Variants in CSF3 observed in about 807,000 individuals in gnomAD.
The protein encoded by CSF3 is colony stimulating factor 3, also known as granulocyte colony-stimulating factor.
In CSF3, 17 loss-of-function variants were observed where a neutral mutation model predicts 20.2. The observed-to-expected ratio is 0.84, with a 90% CI of 0.58 to 1.26. The LOEUF is 1.26. CSF3 is among the 50% of genes most tolerant of loss of function. The pLI is 0.00. For synonymous variants in CSF3, 125 were observed against 115.3 expected, an observed-to-expected ratio of 1.08 and a Z score of -0.54; for missense variants, 210 against 256.0, an observed-to-expected ratio of 0.82 and a Z score of 1.23.
At chr17:40,015,950 T>C (rs1981356011) in intron 2 of CSF3, 105 bp downstream of exon 2, 5 of 1,434,650 alleles carry the variant, frequency 3.5e-6, no homozygotes, top group Non-Finnish European at 9.3e-7. Context: ...TGGGAGAATA[T>C]TAGGAGCAGT....
In CSF3 at chr17:40,017,124, T is replaced by C; in HGVS notation, c.*165T>C. 1 of 620,930 alleles carries C rather than the reference T, an allele frequency of 1.6e-6. No homozygotes were observed. The allele number at this position is 620,930 out of a possible 1,614,324, so 38.5% of individuals were successfully genotyped here. On this transcript the variant is annotated 3_prime_UTR_variant, in exon 5 of 5. Transcript: ENST00000394149. The stretch of plus-strand genomic sequence containing the variant: ...GCCTGTAGCAGTGAGAAAAAGCTCC[T>C]GTCCTCCCATCCCCTGGACTGGGAG...
intron 4 of CSF3, 25 bp from the exon 5 acceptor site, chr17:40,016,770 C>T (rs1420692842): frequency 1.2e-5 from 20 of 1,612,820 alleles, no homozygotes; most frequent in Non-Finnish European, 1.7e-5. Flanking sequence ...AGGGCCCAAC[C>T]ACTGATCACA....
At chr17:40,016,459 C>G (rs762199800) in intron 3 of CSF3, 26 bp from the exon 4 acceptor site, 10 of 1,613,708 alleles carry the variant, frequency 6.2e-6, no homozygotes, top group Admixed American at 1.7e-5. Flanking sequence ...GGCAGCACCC[C>G]CTAACTCTTC....
chr17:40,016,014 G>A (rs2144835493), intron 2 of CSF3, 169 bp downstream of exon 2: 1 of 1,077,462 alleles, frequency 9.3e-7, no homozygotes, highest in Non-Finnish European at 1.3e-6. Flanking sequence ...GGTGGGGACA[G>A]TGCTCGGGAG....
In CSF3 at chr17:40,015,695, G is replaced by A; in HGVS notation, c.45G>A (p.Leu15=). The change falls in exon 2 of 5, where the codon CTG becomes CTA. Residue 15 remains leucine, a synonymous_variant. Transcript: ENST00000394149. ...CTGAGCCCGCTCTGTCCCCAGCCCTGCAGCTGCTGCTGTGGCACAGTGCAC... is the reference window on the plus strand; with the variant it reads ...CTGAGCCCGCTCTGTCCCCAGCCCTACAGCTGCTGCTGTGGCACAGTGCAC... The part of the protein sequence containing the change: ...ATQSPMKLMA[L]QLLLWHSALW... The A allele has an allele frequency of 6.3e-7, 1 of 1,581,820 alleles. No homozygotes were observed. Among genetic ancestry groups the A allele is most frequent in the Non-Finnish European group, 8.6e-7 (1 of 1,161,136 alleles).
rs1282134634 is a variant in CSF3, at chr17:40,017,602, G to A, written c.*643G>A. On this transcript the variant is annotated 3_prime_UTR_variant, in exon 5 of 5. Transcript: ENST00000394149. ...CTGCCCCCACGAGGGTCAGGACTGT[G>A]ACTCTTTTTAGGGCCAGGCAGGTGC... 3.9e-5 allele frequency: 6 copies of A among 152,418 alleles called. No homozygotes were observed. The highest frequency in any genetic ancestry group is 1.4e-4 in the African/African-American group (6 of 41,452). 9.4% of individuals were successfully genotyped at this position (152,418 alleles called of 1,614,324 possible).
rs371935125 is a variant in CSF3 at position 40,015,677 on chromosome 17, C to G, written c.41-14C>G. On this transcript the variant is annotated splice_polypyrimidine_tract_variant and intron_variant, in intron 1 of 4. Transcript: ENST00000394149. ...TAGGGAACAGCATGTCTCCTGAGCC[C>G]GCTCTGTCCCCAGCCCTGCAGCTGC... The G allele has an allele frequency of 4.1e-5, 65 of 1,571,360 alleles. No homozygotes were observed. The highest frequency in any genetic ancestry group is 5.6e-5 in the Non-Finnish European group (65 of 1,155,674).
chr17:40,015,521 G>A lies in CSF3; in HGVS notation c.40+7G>A. ...AGCCCCATGAAGCTGATGGGTGAGTGTCTTGGCCCAGGATGGGAGAGCCGC... is the reference window on the plus strand; with the variant it reads ...AGCCCCATGAAGCTGATGGGTGAGTATCTTGGCCCAGGATGGGAGAGCCGC... On this transcript the variant is annotated splice_region_variant and intron_variant, in intron 1 of 4. Coordinates refer to ENST00000394149, the MANE Select transcript of CSF3 (RefSeq NM_172219.3). The A allele has an allele frequency of 6.4e-7, 1 of 1,551,208 alleles. No homozygotes were observed. The highest frequency in any genetic ancestry group is 1.2e-5 in the South Asian group (1 of 84,040).
rs770569372 is a variant in CSF3, at chr17:40,015,828, G to A, written c.178G>A (p.Ala60Thr). The A allele has an allele frequency of 6.2e-7, 1 of 1,609,494 alleles. No individual in the cohort carries two copies. Among genetic ancestry groups the A allele is most frequent in the Non-Finnish European group, 8.5e-7 (1 of 1,176,918 alleles). The change falls in exon 2 of 5, where the codon GCG (alanine) becomes ACG (threonine). Residue 60 changes from alanine (A) to threonine (T), a missense_variant. Transcript: ENST00000394149. ...GAGGAAGATCCAGGGCGATGGCGCA[G>A]CGCTCCAGGAGAAGCTGGTGAGTGA... ...QVRKIQGDGA[A>T]LQEKLCATYK...
intron 4 of CSF3, 68 bp downstream of exon 4, chr17:40,016,699 A>G (rs763576148): frequency 3.4e-5 from 55 of 1,596,506 alleles, no homozygotes; most frequent in Non-Finnish European, 4.6e-5. Context: ...AGGCCTGTGT[A>G]TGGGCCCTGT....
At chr17:40,015,668 T>TCCTGAGCCCGCTCTGTCC in intron 1 of CSF3, 23 bp from the exon 2 acceptor site, 2 of 1,567,086 alleles carry the variant, frequency 1.3e-6, no homozygotes, top group Non-Finnish European at 1.7e-6. Context: ...ACAGCATGTC[T>TCCTGAGCCCGCTCTGTCC]CCTGAGCCCG....
In CSF3 at chr17:40,016,326, C is replaced by T; in HGVS notation, c.289C>T (p.Gln97Ter). 1 of 1,612,458 alleles carries T rather than the reference C, an allele frequency of 6.2e-7. No individual in the cohort carries two copies. The change falls in exon 3 of 5, where the codon CAG becomes TAG. Residue 97 changes from glutamine to a stop codon, truncating the protein, a stop_gained. Transcript: ENST00000394149. LOFTEE classifies it high-confidence loss of function. ...PWAPLSSCPS[Q>*]ALQLAGCLSQ... is the part of the protein sequence containing the mutation. ...GGCTCCCCTGAGCAGCTGCCCCAGC[C>T]AGGCCCTGCAGCTGGTGAGTGTCAG...
intron 1 of CSF3, 87 bp from the exon 2 acceptor site, chr17:40,015,604 G>A: frequency 1.9e-6 from 3 of 1,547,008 alleles, no homozygotes; most frequent in Non-Finnish European, 2.6e-6. Flanking sequence ...CCCCGTTCTG[G>A]GAATGGGGAT....
At chr17:40,015,642 C>T (rs1233227614) in intron 1 of CSF3, 49 bp from the exon 2 acceptor site, 2 of 1,550,752 alleles carry the variant, frequency 1.3e-6, no homozygotes, top group Non-Finnish European at 1.7e-6. Flanking sequence ...CCCGAGAGGG[C>T]CTCAGGTGGT....
Position 40,015,667 on chromosome 17 carries a change from C to T in CSF3, c.41-24C>T, listed in dbSNP as rs1296431031. The T allele has an allele frequency of 2.6e-6, 4 of 1,566,190 alleles. No homozygotes were observed. The Admixed American group carries it at 5.5e-5, about 21-fold the overall frequency. ...CCTCAGGTGGTAGGGAACAGCATGT[C>T]TCCTGAGCCCGCTCTGTCCCCAGCC... On this transcript the variant is annotated intron_variant, in intron 1 of 4. Transcript: ENST00000394149.
In CSF3 at chr17:40,016,335, C is replaced by T; in HGVS notation, c.298C>T (p.Gln100Ter). 1 of 1,612,354 alleles carries T rather than the reference C, an allele frequency of 6.2e-7. No individual in the cohort carries two copies. The highest frequency in any genetic ancestry group is 8.5e-7 in the Non-Finnish European group (1 of 1,179,010). ...GAGCAGCTGCCCCAGCCAGGCCCTGCAGCTGGTGAGTGTCAGGAAAGGATA... is the reference window on the plus strand; with the variant it reads ...GAGCAGCTGCCCCAGCCAGGCCCTGTAGCTGGTGAGTGTCAGGAAAGGATA... Reference protein sequence around the residue: ...PLSSCPSQALQLAGCLSQLHS... With the variant: ...PLSSCPSQAL Residue 100 changes from glutamine (Q) to a stop codon, truncating the protein, a stop_gained, in exon 3 of 5, where the codon CAG becomes TAG. Transcript: ENST00000394149. LOFTEE classifies it high-confidence loss of function.
In CSF3 at chr17:40,016,586, A is replaced by C. The variant is rs777497317; in HGVS notation, c.405A>C (p.Thr135=). ...CCGAGTTGGGTCCCACCTTGGACACACTGCAGCTGGACGTCGCCGACTTTG... is the reference window on the plus strand; with the variant it reads ...CCGAGTTGGGTCCCACCTTGGACACCCTGCAGCTGGACGTCGCCGACTTTG... The part of the protein sequence containing the change: ...ISPELGPTLD[T]LQLDVADFAT... The change falls in exon 4 of 5, where the codon ACA becomes ACC. Residue 135 remains threonine, a synonymous_variant. Transcript: ENST00000394149. 6.2e-7 allele frequency: 1 copy of C among 1,614,178 alleles called. No individual in the cohort carries two copies. Among genetic ancestry groups the C allele is most frequent in the South Asian group, 1.1e-5 (1 of 91,084 alleles).
rs2227331 is a variant in CSF3 at position 40,017,100 on chromosome 17, C to T, written c.*141C>T. The T allele has an allele frequency of 4.5e-3, 3,569 of 800,068 alleles. 114 individuals are homozygous for T. In the African/African-American group the frequency reaches 0.057, roughly 13 times the overall value. 49.6% of individuals were successfully genotyped at this position (800,068 alleles called of 1,614,324 possible). ...TGCATTTCTGAGTTTCATTCTCCTGCCTGTAGCAGTGAGAAAAAGCTCCTG... is the reference window on the plus strand; with the variant it reads ...TGCATTTCTGAGTTTCATTCTCCTGTCTGTAGCAGTGAGAAAAAGCTCCTG... On this transcript the variant is annotated 3_prime_UTR_variant, in exon 5 of 5. Coordinates refer to ENST00000394149, the MANE Select transcript of CSF3 (RefSeq NM_172219.3).
In CSF3 at chr17:40,015,728, A is replaced by G; in HGVS notation, c.78A>G (p.Thr26=). 6.3e-7 allele frequency: 1 copy of G among 1,596,642 alleles called. No individual in the cohort carries two copies. The highest frequency in any genetic ancestry group is 2.3e-5 in the East Asian group (1 of 44,306). Residue 26 remains threonine, a synonymous_variant, in exon 2 of 5, where the codon ACA becomes ACG. Coordinates refer to ENST00000394149, the MANE Select transcript of CSF3 (RefSeq NM_172219.3). ...QLLLWHSALW[T]VQEATPLGPA... is the part of the protein sequence containing the mutation. Reference sequence around the variant, plus strand: ...TGCTGTGGCACAGTGCACTCTGGACAGTGCAGGAAGCCACCCCCCTGGGCC... The same window carrying G: ...TGCTGTGGCACAGTGCACTCTGGACGGTGCAGGAAGCCACCCCCCTGGGCC...
Sources: allele counts gnomAD v4.1 joint callset, GRCh38; gene constraint gnomAD v4.1.1; transcripts MANE v1.5; gene names NCBI Gene and HGNC (gene_info 2026-07-23, HGNC 2026-07-21).